SLC2A13: variants seen among roughly 807,000 people sequenced by gnomAD.
The protein encoded by SLC2A13 is solute carrier family 2 member 13, also known as proton myo-inositol cotransporter.
In SLC2A13, 32 loss-of-function variants were observed where a neutral mutation model predicts 64.4. The ratio of observed to expected loss-of-function variants is 0.50; its 90% CI spans 0.37 to 0.67. The LOEUF is 0.67. SLC2A13 is among the 30% of genes least tolerant of loss of function. SLC2A13 has a pLI of 0.00. For missense variants in SLC2A13, 743 were observed against 829.2 expected, an observed-to-expected ratio of 0.90 and a Z score of 1.28; for synonymous variants, 338 against 327.1, an observed-to-expected ratio of 1.03 and a Z score of -0.36.
At chr12:40,101,695 GACCACCTCATC>G (rs2136309179) in intron 1 of SLC2A13, among the ~76,000 whole-genome samples, 1 of 152,134 alleles carries the variant, frequency 6.6e-6, no homozygotes, top group South Asian at 2.1e-4. Context: ...CCAGTCTCAT[GACCACCTCATC>G]ACCACCCTCA....
chr12:40,004,319 C>T (rs557276424), intron 3 of SLC2A13, among the ~76,000 whole-genome samples: 4 of 151,946 alleles, frequency 2.6e-5, no homozygotes, highest in African/African-American at 4.8e-5. Context: ...CAAGTAGCTG[C>T]GATTACAGGA....
intron 4 of SLC2A13, among the ~76,000 whole-genome samples, chr12:39,913,400 T>C (rs1025264046): frequency 6.6e-6 from 1 of 151,396 alleles, no homozygotes. Flanking sequence ...TAAAGTACGA[T>C]GAATAAAAAC....
intron 4 of SLC2A13, chr12:39,949,476 GA>G (rs1205556523): frequency 6.6e-6 from 1 of 152,064 alleles, no homozygotes; most frequent in Non-Finnish European, 1.5e-5. Flanking sequence ...TGATCTTCAG[GA>G]AAAAAGTGAG....
At position 39,908,151 on chromosome 12, in the gene SLC2A13, T is replaced by G. The variant is rs185009506; in HGVS notation, c.1035-36190A>C. 8 of 152,138 alleles carry G rather than the reference T, an allele frequency of 5.3e-5. No individual in the cohort carries two copies. In the East Asian group the frequency reaches 1.4e-3, roughly 26 times the overall value. 9.4% of individuals were successfully genotyped at this position (152,138 alleles called of 1,614,324 possible). ...CAATGAGGAGACAGAAAAAGCTGCA[T>G]GATAGTGATGTAGAGTCTAATGGTG... On this transcript the variant is annotated intron_variant, in intron 4 of 9. Coordinates refer to ENST00000280871, the MANE Select transcript of SLC2A13 (RefSeq NM_052885.4).
intron 7 of SLC2A13, among the ~76,000 whole-genome samples, chr12:39,824,592 C>G (rs186206647): frequency 6.6e-6 from 1 of 152,158 alleles, no homozygotes; most frequent in Non-Finnish European, 1.5e-5. Context: ...TGCATCTGTA[C>G]TGAGGTGGAC....
chr12:39,903,609 C>T (rs80165253), intron 4 of SLC2A13, among the ~76,000 whole-genome samples: 312 of 152,122 alleles, frequency 2.1e-3, no homozygotes, highest in African/African-American at 6.9e-3. Context: ...GTTTTCAACT[C>T]TGGCTTTTCC....
At chr12:39,988,729 G>GGAA (rs1947080458) in intron 3 of SLC2A13, among the ~76,000 whole-genome samples, 1 of 136,432 alleles carries the variant, frequency 7.3e-6, no homozygotes, top group South Asian at 2.6e-4. Flanking sequence ...AAGGAAGGAA[G>GGAA]GGGGGGAGGA....
chr12:39,894,198 C>T (rs1043922941), intron 4 of SLC2A13, among the ~76,000 whole-genome samples: 2 of 152,118 alleles, frequency 1.3e-5, no homozygotes, highest in Admixed American at 6.6e-5. Flanking sequence ...ACTCTGCAAA[C>T]TTTCAAGTGT....
intron 3 of SLC2A13, among the ~76,000 whole-genome samples, chr12:39,975,604 A>G (rs1484583529): frequency 6.6e-6 from 1 of 152,188 alleles, no homozygotes; most frequent in Non-Finnish European, 1.5e-5. Context: ...CAGTTTAGAG[A>G]CTGCAGCTAA....
In SLC2A13 at chr12:39,759,986, C is replaced by T. The variant is rs759654520; in HGVS notation, c.*40G>A. On this transcript the variant is annotated 3_prime_UTR_variant, in exon 10 of 10. Coordinates refer to ENST00000280871, the MANE Select transcript of SLC2A13 (RefSeq NM_052885.4). ...GTCACCAATTGCTGTTCTTCTCCCC[C>T]CAGTTTGTTTAAATAACTAAATATA... The T allele has an allele frequency of 7.9e-6, 12 of 1,511,158 alleles. No homozygotes were observed. Among genetic ancestry groups the T allele is most frequent in the Non-Finnish European group, 9.2e-6 (10 of 1,091,054 alleles). 93.6% of individuals were successfully genotyped at this position (1,511,158 alleles called of 1,614,324 possible).
intron 1 of SLC2A13, among the ~76,000 whole-genome samples, chr12:40,052,801 A>T (rs1948280141): frequency 6.6e-6 from 1 of 152,134 alleles, no homozygotes; most frequent in Non-Finnish European, 1.5e-5. Context: ...GAAACTACGG[A>T]AATGGATAAG....
chr12:39,940,910 T>C, intron 4 of SLC2A13, among the ~76,000 whole-genome samples: 1 of 151,920 alleles, frequency 6.6e-6, no homozygotes, highest in Middle Eastern at 3.2e-3. Context: ...GTATCATTCT[T>C]ACACCTTTGC....
rs754304967 is a variant in SLC2A13 at position 39,864,789 on chromosome 12, C to T, written c.1292G>A (p.Gly431Asp). The T allele has an allele frequency of 9.3e-6, 15 of 1,613,810 alleles. No homozygotes were observed. The Admixed American group carries it at 2.2e-4, about 23-fold the overall frequency. Residue 431 changes from glycine (G) to aspartate (D), a missense_variant, in exon 6 of 10, where the codon GGT becomes GAT. Physicochemically the swap from Gly to Asp is moderately conservative, Grantham distance 94. Coordinates refer to ENST00000280871, the MANE Select transcript of SLC2A13 (RefSeq NM_052885.4). Reference sequence around the variant, plus strand: ...GTATCTTGTGCAAGTGGCGTTCTGACCTGACGGAGCTATTGGCTTAAAAGT... The same window carrying T: ...GTATCTTGTGCAAGTGGCGTTCTGATCTGACGGAGCTATTGGCTTAAAAGT... ...RITFKPIAPS[G>D]QNATCTRYSY... is the part of the protein sequence containing the mutation.
intron 4 of SLC2A13, among the ~76,000 whole-genome samples, chr12:39,906,659 G>A (rs1945291533): frequency 6.6e-6 from 1 of 152,088 alleles, no homozygotes. Flanking sequence ...GGATGAGGAT[G>A]GGGTGGAGGC....
chr12:39,911,605 A>G (rs1459261950), intron 4 of SLC2A13, among the ~76,000 whole-genome samples: 1 of 152,068 alleles, frequency 6.6e-6, no homozygotes, highest in African/African-American at 2.4e-5. Context: ...CAGTACCCCA[A>G]ATTCACATTT....
chr12:39,996,599 C>T (rs1947235117), intron 3 of SLC2A13, among the ~76,000 whole-genome samples: 1 of 152,204 alleles, frequency 6.6e-6, no homozygotes, highest in Non-Finnish European at 1.5e-5. Flanking sequence ...GCCCCCCGCC[C>T]CATGCAGTGT....
At chr12:40,035,572 G>C (rs1462569145) in intron 2 of SLC2A13, among the ~76,000 whole-genome samples, 1 of 152,068 alleles carries the variant, frequency 6.6e-6, no homozygotes, top group Non-Finnish European at 1.5e-5. Context: ...CATGGCTGAA[G>C]GTACCTAAGA....
chr12:39,974,220 T>G (rs1946723286), intron 3 of SLC2A13, among the ~76,000 whole-genome samples: 1 of 152,242 alleles, frequency 6.6e-6, no homozygotes, highest in African/African-American at 2.4e-5. Flanking sequence ...ATCCCAGAAC[T>G]GATAACTACT....
intron 3 of SLC2A13, among the ~76,000 whole-genome samples, chr12:40,004,652 G>A (rs569166965): frequency 1.7e-4 from 26 of 149,976 alleles, no homozygotes; most frequent in African/African-American, 4.9e-4. Context: ...CTAAAATGTC[G>A]AAGATCATGT....
Sources: gnomAD v4.1 joint callset for allele counts (sites outside exome capture counted in the v4.1 genomes callset) on GRCh38, gnomAD v4.1.1 for gene constraint, MANE v1.5 for transcripts, NCBI Gene and HGNC (gene_info 2026-07-23, HGNC 2026-07-21) for gene names.